MTO1: variants seen among roughly 807,000 people sequenced by gnomAD.
MTO1 encodes 5-taurinomethyluridine-[tRNA] synthase subunit MTO1, mitochondrial.
Under a neutral mutation model 71.6 loss-of-function variants are expected in MTO1, and 46 were observed. The observed-to-expected ratio is 0.64, with a 90% CI of 0.51 to 0.82. The LOEUF is 0.82. MTO1 is among the 40% of genes least tolerant of loss of function. MTO1 has a pLI of 0.00. For synonymous variants in MTO1, 297 were observed against 312.1 expected, an observed-to-expected ratio of 0.95 and a Z score of 0.51; for missense variants, 773 against 867.5, an observed-to-expected ratio of 0.89 and a Z score of 1.37.
Position 73,502,609 on chromosome 6 carries a change from C to T in MTO1, c.*1874C>T, listed in dbSNP as rs1051763227. ...ATAACAAAAATTTATCTTAAAGAAA[C>T]GGGAAGTAACCTGGCACAGTGGCTC... On this transcript the variant is annotated 3_prime_UTR_variant, in exon 12 of 12. Transcript: ENST00000498286. The T allele has an allele frequency of 4.0e-5, 6 of 150,030 alleles. No homozygotes were observed. Among genetic ancestry groups the T allele is most frequent in the East Asian group, 2.0e-4 (1 of 5,046 alleles). 9.3% of individuals were successfully genotyped at this position (150,030 alleles called of 1,614,324 possible).
chr6:73,479,073 G>A (rs1356128264), intron 4 of MTO1, among the ~76,000 whole-genome samples: 1 of 150,878 alleles, frequency 6.6e-6, no homozygotes, highest in African/African-American at 2.4e-5. Flanking sequence ...CTTTTTAGTA[G>A]AGACAGGATT....
rs1327322367 is a variant in MTO1 at position 73,505,531 on chromosome 6, T to A, written c.*4796T>A. On this transcript the variant is annotated 3_prime_UTR_variant, in exon 12 of 12. Transcript: ENST00000498286. ...AAACAGGAAACTATTCTTTAGTGAG[T>A]ACAGAATTTCAGTTTTTTTGTTTTG... 6.8e-6 allele frequency: 1 copy of A among 147,724 alleles called. No individual in the cohort carries two copies. Among genetic ancestry groups the A allele is most frequent in the African/African-American group, 2.4e-5 (1 of 41,260 alleles). The allele number at this position is 147,724 out of a possible 1,614,324, so 9.2% of individuals were successfully genotyped here.
At chr6:73,489,278 CTTTTTTTT>C (rs35006239) in intron 9 of MTO1, among the ~76,000 whole-genome samples, 1 of 143,476 alleles carries the variant, frequency 7.0e-6, no homozygotes, top group African/African-American at 2.6e-5. Context: ...TTCTTTTTTT[CTTTTTTTT>C]TTTTGTATAT....
chr6:73,480,668 T>G lies in MTO1; in HGVS notation c.1130-7T>G. On this transcript the variant is annotated splice_region_variant and splice_polypyrimidine_tract_variant and intron_variant, in intron 6 of 11. Transcript: ENST00000498286. ...TTACTTATTTAATGTCTTTGTTCTT[T>G]GGTCAGGCTACGGTGTTCAGTATGA... is the stretch of plus-strand genomic sequence containing the variant. The G allele has an allele frequency of 6.2e-7, 1 of 1,613,654 alleles. No individual in the cohort carries two copies. The highest frequency in any genetic ancestry group is 8.5e-7 in the Non-Finnish European group (1 of 1,179,736).
At chr6:73,466,440 A>G in intron 2 of MTO1, 32 bp downstream of exon 2, 1 of 1,613,330 alleles carries the variant, frequency 6.2e-7, no homozygotes, top group Non-Finnish European at 8.5e-7. Context: ...AGGAAAGATT[A>G]TAGTGATTGT....
chr6:73,497,849 T>G lies in MTO1; in HGVS notation c.1870T>G (p.Leu624Val). 6.2e-7 allele frequency: 1 copy of G among 1,613,824 alleles called. No homozygotes were observed. Among genetic ancestry groups the G allele is most frequent in the Non-Finnish European group, 8.5e-7 (1 of 1,179,776 alleles). ...LDYLTIRDVS[L>V]SHEVREKLHF... is the part of the protein sequence containing the mutation. The stretch of plus-strand genomic sequence containing the variant: ...TTATTTGACTATCAGGGATGTGTCT[T>G]TGTCCCATGAAGTTCGAGAGAAACT... The change falls in exon 11 of 12, where the codon TTG (leucine) becomes GTG (valine). Residue 624 changes from leucine to valine, a missense_variant. Physicochemically the swap from Leu to Val is conservative, Grantham distance 32 (BLOSUM62 1). Coordinates refer to ENST00000498286, the MANE Select transcript of MTO1 (RefSeq NM_012123.4).
intron 1 of MTO1, among the ~76,000 whole-genome samples, chr6:73,462,916 C>T (rs1282742659): frequency 2.0e-5 from 3 of 152,076 alleles, no homozygotes; most frequent in Admixed American, 2.0e-4. Context: ...TTTCCTGCCT[C>T]TGCCTAACCA....
chr6:73,469,336 G>C (rs1171027023), intron 3 of MTO1, among the ~76,000 whole-genome samples: 2 of 151,470 alleles, frequency 1.3e-5, no homozygotes, highest in Non-Finnish European at 2.9e-5. Context: ...TTTTAAATGA[G>C]GCACTAGGTC....
At chr6:73,462,104 A>G in intron 1 of MTO1, 33 bp downstream of exon 1, 2 of 1,605,594 alleles carry the variant, frequency 1.2e-6, no homozygotes, top group Non-Finnish European at 1.7e-6. Flanking sequence ...AACTTGGCGT[A>G]GGACGCAGGC....
chr6:73,475,831 C>T (rs1771299248), intron 4 of MTO1, among the ~76,000 whole-genome samples: 1 of 151,952 alleles, frequency 6.6e-6, no homozygotes, highest in South Asian at 2.1e-4. Flanking sequence ...CTCTTGACCT[C>T]AGGTGATCCA....
intron 9 of MTO1, among the ~76,000 whole-genome samples, chr6:73,484,179 A>G (rs1168769283): frequency 1.3e-5 from 2 of 152,202 alleles, no homozygotes; most frequent in East Asian, 3.8e-4. Context: ...TTGCGTAATC[A>G]TCTTTCATAT....
At position 73,462,008 on chromosome 6, in the gene MTO1, G is replaced by GCCA; in HGVS notation, c.157_159dup (p.Thr53dup). Reference sequence around the variant, plus strand: ...TGGAGGACATGCCGGGACTGAGGCAGCCACCGCCGCCGCTCGGTGCGGCTC... The same window carrying GCCA: ...TGGAGGACATGCCGGGACTGAGGCAGCCACCACCGCCGCCGCTCGGTGCGGCTC... On this transcript the variant is annotated inframe_insertion, in exon 1 of 12. Transcript: ENST00000498286. The GCCA allele has an allele frequency of 6.2e-7, 1 of 1,613,476 alleles. No homozygotes were observed. Among genetic ancestry groups the GCCA allele is most frequent in the East Asian group, 2.2e-5 (1 of 44,874 alleles).
rs1297994959 is a variant in MTO1, at chr6:73,466,332, TA to T, written c.344del (p.Asn115ThrfsTer11). The T allele has an allele frequency of 6.2e-7, 1 of 1,614,136 alleles. No individual in the cohort carries two copies. The highest frequency in any genetic ancestry group is 2.2e-5 in the East Asian group (1 of 44,878). On this transcript the variant is annotated frameshift_variant, in exon 2 of 12. Coordinates refer to ENST00000498286, the MANE Select transcript of MTO1 (RefSeq NM_012123.4). LOFTEE classifies it high-confidence loss of function. Reference protein sequence around the residue: ...CDQSGVHYKVLNRRKGPAVWG... With the variant: ...CDQSGVHYKVXNRRKGPAVWG... ...CAGTCTGGTGTACATTATAAAGTAT[TA>T]AACCGGCGTAAGGGACCAGCTGTGT...
In MTO1 at chr6:73,466,250, G is replaced by T; in HGVS notation, c.259G>T (p.Gly87Ter). 1.2e-6 allele frequency: 2 copies of T among 1,614,038 alleles called. No individual in the cohort carries two copies. The highest frequency in any genetic ancestry group is 1.7e-6 in the Non-Finnish European group (2 of 1,179,938). Residue 87 changes from glycine (G) to a stop codon, truncating the protein, a stop_gained, in exon 2 of 12, where the codon GGA (glycine) becomes TGA (stop). Coordinates refer to ENST00000498286, the MANE Select transcript of MTO1 (RefSeq NM_012123.4). LOFTEE classifies it high-confidence loss of function. ...CNPSFGGIGKGHLMREVDALD... is the reference protein window; with the variant it reads ...CNPSFGGIGK ...TCCTTCCTTTGGTGGCATCGGAAAG[G>T]GACATTTAATGAGGGAAGTAGATGC...
intron 9 of MTO1, among the ~76,000 whole-genome samples, chr6:73,486,339 C>T (rs1190274530): frequency 6.6e-6 from 1 of 152,130 alleles, no homozygotes; most frequent in Non-Finnish European, 1.5e-5. Flanking sequence ...TTTCATCTTG[C>T]AAAACTCAAA....
chr6:73,464,215 G>T (rs138390277), intron 1 of MTO1: 28 of 152,274 alleles, frequency 1.8e-4, no homozygotes, highest in African/African-American at 6.7e-4. Flanking sequence ...GGCCAGGGGT[G>T]ATTACTCACG....
chr6:73,471,774 C>A (rs990005445), intron 3 of MTO1: 5 of 163,460 alleles, frequency 3.1e-5, no homozygotes, highest in African/African-American at 9.6e-5. Context: ...TTTTATAGGC[C>A]CAACAATAAC....
chr6:73,489,992 G>A (rs1447448225), intron 9 of MTO1, among the ~76,000 whole-genome samples: 3 of 152,170 alleles, frequency 2.0e-5, no homozygotes, highest in Non-Finnish European at 4.4e-5. Flanking sequence ...TAACTGGTGT[G>A]AGATGGTATC....
chr6:73,462,158 C>A (rs549840710), intron 1 of MTO1, 87 bp downstream of exon 1: 2 of 1,404,808 alleles, frequency 1.4e-6, no homozygotes, highest in South Asian at 1.2e-5. Context: ...GGGACCTCTT[C>A]CTTTCCTCAA....
Sources: gnomAD v4.1 joint callset for allele counts (sites outside exome capture counted in the v4.1 genomes callset) on GRCh38, gnomAD v4.1.1 for gene constraint, MANE v1.5 for transcripts, NCBI Gene and HGNC (gene_info 2026-07-23, HGNC 2026-07-21) for gene names.